Variants in OGDH observed in about 807,000 individuals in gnomAD.
The protein encoded by OGDH is 2-oxoglutarate dehydrogenase complex component E1.
A neutral mutation model predicts 116.6 loss-of-function variants in OGDH; 38 were observed. That is an observed-to-expected ratio of 0.33 (90% CI 0.25 to 0.43). The LOEUF is 0.43. OGDH is among the 20% of genes least tolerant of loss of function. The pLI is 1.00. For synonymous variants in OGDH, 488 were observed against 533.3 expected (o/e 0.92, Z 1.17); for missense variants, 825 against 1,357.2 (o/e 0.61, Z 6.16).
At chr7:44,679,666 G>A (rs545889760) in intron 9 of OGDH, among the ~76,000 whole-genome samples, 3 of 152,234 alleles carry the variant, frequency 2.0e-5, no homozygotes, top group East Asian at 1.9e-4. Flanking sequence ...CCATCTAGAT[G>A]GCATTTTGTA....
intron 2 of OGDH, among the ~76,000 whole-genome samples, chr7:44,642,694 C>T (rs757346931): frequency 2.6e-5 from 4 of 151,962 alleles, no homozygotes; most frequent in Admixed American, 6.6e-5. Context: ...GAGGCCAAGG[C>T]GGGTGGATCA....
chr7:44,704,048 C>T (rs548522605), intron 20 of OGDH, among the ~76,000 whole-genome samples: 10 of 152,138 alleles, frequency 6.6e-5, no homozygotes, highest in Non-Finnish European at 1.5e-4. Flanking sequence ...TGAGTCCCTG[C>T]TTTCAGTTCT....
At chr7:44,635,652 C>T (rs1246187747) in intron 2 of OGDH, among the ~76,000 whole-genome samples, 2 of 152,026 alleles carry the variant, frequency 1.3e-5, no homozygotes, top group African/African-American at 4.8e-5. Context: ...ACACTCTCCT[C>T]ATGTTCCTCA....
At chr7:44,632,099 G>A (rs1237558535) in intron 2 of OGDH, among the ~76,000 whole-genome samples, 1 of 152,128 alleles carries the variant, frequency 6.6e-6, no homozygotes, top group Non-Finnish European at 1.5e-5. Context: ...CAAACCAAGA[G>A]GTGTTTGTTG....
In OGDH at chr7:44,676,127, G is replaced by C. The variant is rs377711995; in HGVS notation, c.1184G>C (p.Cys395Ser). The change falls in exon 9 of 23, where the codon TGT becomes TCT. Residue 395 changes from cysteine (C) to serine (S), a missense_variant. Physicochemically the swap from Cys to Ser is moderately radical, Grantham distance 112 (BLOSUM62 -1). Around this residue, in one of 7 missense-constraint regions of OGDH, gnomAD observed 146 missense variants for 317.3 expected, o/e 0.46. Transcript: ENST00000222673. ...MGKTKAEQFY[C>S]GDTEGKKVMS... Reference sequence around the variant, plus strand: ...AAGACCAAAGCCGAACAGTTTTACTGTGGCGACACTGAAGGGAAAAAGGTA... The same window carrying C: ...AAGACCAAAGCCGAACAGTTTTACTCTGGCGACACTGAAGGGAAAAAGGTA... 6.8e-6 allele frequency: 11 copies of C among 1,614,024 alleles called. No individual in the cohort carries two copies. Among genetic ancestry groups the C allele is most frequent in the Non-Finnish European group, 9.3e-6 (11 of 1,180,050 alleles).
intron 4 of OGDH, among the ~76,000 whole-genome samples, chr7:44,659,895 T>G (rs1043039976): frequency 4.6e-5 from 7 of 152,184 alleles, no homozygotes; most frequent in African/African-American, 1.7e-4. Context: ...TTCATTGGTT[T>G]TTTTCTGTTG....
chr7:44,664,055 A>G (rs559648182), intron 4 of OGDH, among the ~76,000 whole-genome samples: 4 of 152,254 alleles, frequency 2.6e-5, no homozygotes, highest in Admixed American at 1.3e-4. Flanking sequence ...CTCATTCACT[A>G]TGAGATATTC....
chr7:44,631,845 C>G (rs1266902087), intron 2 of OGDH, among the ~76,000 whole-genome samples: 1 of 151,110 alleles, frequency 6.6e-6, no homozygotes, highest in Non-Finnish European at 1.5e-5. Flanking sequence ...TTCCCTCTTT[C>G]CTTTCTCTCT....
chr7:44,656,170 A>G (rs2115921639), intron 4 of OGDH: 2 of 678,982 alleles, frequency 2.9e-6, no homozygotes, highest in East Asian at 2.8e-5. Flanking sequence ...TTCTCCCTTG[A>G]TGTGTGTGTG....
At chr7:44,675,825 C>T in intron 8 of OGDH, 145 bp from the exon 9 acceptor site, 7 of 745,248 alleles carry the variant, frequency 9.4e-6, no homozygotes, top group Non-Finnish European at 1.1e-5. Flanking sequence ...TGCAGTGAGC[C>T]GAGATCGCGC....
At position 44,674,524 on chromosome 7, in the gene OGDH, G is replaced by C; in HGVS notation, c.902G>C (p.Gly301Ala). ...ATCATTGACAAGTCTAGTGAGAATG[G>C]CGTGGACTACGTGATCATGGGCATG... ...KTIIDKSSEN[G>A]VDYVIMGMPH... Residue 301 changes from glycine (G) to alanine (A), a missense_variant, in exon 7 of 23, where the codon GGC (glycine) becomes GCC (alanine). Gly to Ala is a moderately conservative substitution (Grantham distance 60). Around this residue, in one of 7 missense-constraint regions of OGDH, gnomAD observed 171 missense variants for 276.8 expected, o/e 0.62. Transcript: ENST00000222673. The C allele has an allele frequency of 6.2e-7, 1 of 1,614,146 alleles. No homozygotes were observed. Among genetic ancestry groups the C allele is most frequent in the East Asian group, 2.2e-5 (1 of 44,882 alleles).
At position 44,697,241 on chromosome 7, in the gene OGDH, A is replaced by T. The variant is rs1382377809; in HGVS notation, c.2052-129A>T. On this transcript the variant is annotated intron_variant, in intron 15 of 22. Transcript: ENST00000222673. This position sits in a 1 kb window ranked among gnomAD's most constrained non-coding sequence, Gnocchi z 6.0. ...TTCTGTTAAGACCTGGGTGGGGCCG[A>T]CCCTGCAGCTGCCTGGCCAGAAGTC... 20 of 1,478,434 alleles carry T rather than the reference A, an allele frequency of 1.4e-5. No homozygotes were observed. The Admixed American group carries it at 3.8e-4, about 28-fold the overall frequency. 91.6% of individuals were successfully genotyped at this position (1,478,434 alleles called of 1,614,324 possible).
intron 10 of OGDH, among the ~76,000 whole-genome samples, chr7:44,689,857 CAA>C (rs1241637665): frequency 6.6e-6 from 1 of 152,058 alleles, no homozygotes; most frequent in Non-Finnish European, 1.5e-5. Context: ...CTTGGAAGCA[CAA>C]AAGTTTTATT....
intron 5 of OGDH, 118 bp from the exon 6 acceptor site, chr7:44,673,669 C>T: frequency 2.0e-6 from 2 of 978,740 alleles, no homozygotes; most frequent in Admixed American, 1.9e-5. Flanking sequence ...GATTGGAGTA[C>T]ATTTCAGAAC....
chr7:44,700,873 G>T (rs79669925), intron 19 of OGDH, among the ~76,000 whole-genome samples: 2 of 152,132 alleles, frequency 1.3e-5, no homozygotes, highest in Non-Finnish European at 2.9e-5. Flanking sequence ...AAAATTAGCC[G>T]GGCATGACAG....
At chr7:44,701,271 G>C (rs1017832592) in intron 19 of OGDH, among the ~76,000 whole-genome samples, 3 of 152,196 alleles carry the variant, frequency 2.0e-5, no homozygotes, top group African/African-American at 7.2e-5. Context: ...CCTAGGTACA[G>C]AGAAGCAGGG....
At chr7:44,698,013 C>T (rs1003969318) in intron 17 of OGDH, among the ~76,000 whole-genome samples, 179 bp from the exon 18 acceptor site, 4 of 152,114 alleles carry the variant, frequency 2.6e-5, no homozygotes, top group Admixed American at 1.3e-4. Context: ...GATGCACAGG[C>T]GTCCAAGTGT....
chr7:44,659,939 T>TTTA (rs1170102730), intron 4 of OGDH, among the ~76,000 whole-genome samples: 1 of 152,206 alleles, frequency 6.6e-6, no homozygotes, highest in Non-Finnish European at 1.5e-5. Flanking sequence ...ATTTCTGCTC[T>TTTA]TTATTGTTTC....
chr7:44,637,377 G>A (rs113675004), intron 2 of OGDH, among the ~76,000 whole-genome samples: 3 of 152,116 alleles, frequency 2.0e-5, no homozygotes, highest in Non-Finnish European at 2.9e-5. Context: ...GAATTTACAC[G>A]TTTACTGGTT....
Sources: allele counts gnomAD v4.1 joint callset (sites outside exome capture counted in the v4.1 genomes callset), GRCh38; gene constraint gnomAD v4.1.1; regional missense constraint gnomAD v4.1.1; non-coding constraint Gnocchi (gnomAD v3.1); transcripts MANE v1.5; gene names NCBI Gene and HGNC (gene_info 2026-07-23, HGNC 2026-07-21).